ZBTB20: variants seen among roughly 807,000 people sequenced by gnomAD.
The protein encoded by ZBTB20 is zinc finger and BTB domain-containing protein 20.
A neutral mutation model predicts 56.9 loss-of-function variants in ZBTB20; 9 were observed. That is an observed-to-expected ratio of 0.16 (90% CI 0.10 to 0.28). ZBTB20 has a LOEUF of 0.28. ZBTB20 is among the 10% of genes least tolerant of loss of function. The probability of loss-of-function intolerance (pLI) is 1.00; values close to 1 mark genes in which losing one functional copy is unlikely to be tolerated. For missense variants in ZBTB20, 655 were observed against 1,003.0 expected (o/e 0.65, Z 4.69); for synonymous variants, 417 against 420.7 (o/e 0.99, Z 0.11).
rs752084623 is a variant in ZBTB20, at chr3:114,335,095, A to G, written c.*3910T>C. ...AGAAAATATTATTTTTTTATAAACCATATCTAAATATCTTGAGATAAAAAT... is the reference window on the plus strand; with the variant it reads ...AGAAAATATTATTTTTTTATAAACCGTATCTAAATATCTTGAGATAAAAAT... On this transcript the variant is annotated 3_prime_UTR_variant, in exon 12 of 12. Coordinates refer to ENST00000675478, the MANE Select transcript of ZBTB20 (RefSeq NM_001348800.3). 3.9e-5 allele frequency: 6 copies of G among 152,186 alleles called. No individual in the cohort carries two copies. Among genetic ancestry groups the G allele is most frequent in the African/African-American group, 9.7e-5 (4 of 41,446 alleles). The allele number at this position is 152,186 out of a possible 1,614,324, so 9.4% of individuals were successfully genotyped here.
Position 114,350,368 on chromosome 3 carries a change from A to G in ZBTB20, c.1710T>C (p.Ser570=). ...LASSAGHSTA[S]GQGEKKPYEC... ...CATAAGGCTTTTTTTCGCCTTGCCC[A>G]CTGGCTGTGCTGTGGCCTGCGGATG... is the stretch of plus-strand genomic sequence containing the variant. Residue 570 remains serine, a synonymous_variant, in exon 11 of 12, where the codon AGT becomes AGC. Coordinates refer to ENST00000675478, the MANE Select transcript of ZBTB20 (RefSeq NM_001348800.3). 6.2e-7 allele frequency: 1 copy of G among 1,614,094 alleles called. No homozygotes were observed. Among genetic ancestry groups the G allele is most frequent in the East Asian group, 2.2e-5 (1 of 44,876 alleles).
intron 5 of ZBTB20, among the ~76,000 whole-genome samples, chr3:114,759,995 A>G (rs954335278): frequency 6.6e-6 from 1 of 152,182 alleles, no homozygotes; most frequent in Non-Finnish European, 1.5e-5. Flanking sequence ...CTCGGGGTAA[A>G]AAAGAATATA....
chr3:114,712,855 TG>T (rs1489717497), intron 5 of ZBTB20, among the ~76,000 whole-genome samples: 3 of 152,148 alleles, frequency 2.0e-5, no homozygotes, highest in African/African-American at 7.2e-5. Flanking sequence ...CTAATTGCCT[TG>T]GTTTGTCCAA....
At chr3:115,116,424 T>C (rs1162436501) in intron 1 of ZBTB20, among the ~76,000 whole-genome samples, 2 of 152,084 alleles carry the variant, frequency 1.3e-5, no homozygotes, top group African/African-American at 4.8e-5. Context: ...TATTCTACAG[T>C]ATGGGCTTTG....
intron 2 of ZBTB20, among the ~76,000 whole-genome samples, chr3:114,988,092 T>C (rs1439873578): frequency 1.9e-5 from 2 of 107,938 alleles, no homozygotes; most frequent in Admixed American, 8.3e-5. Flanking sequence ...ATCCAGTTTC[T>C]TTTTTTTTTT....
chr3:114,932,396 C>T (rs1247546095), intron 3 of ZBTB20, among the ~76,000 whole-genome samples: 1 of 152,170 alleles, frequency 6.6e-6, no homozygotes, highest in African/African-American at 2.4e-5. Flanking sequence ...TACATTCTGC[C>T]ACTGCTGGAC....
chr3:114,768,103 C>G (rs1021534637), intron 5 of ZBTB20, among the ~76,000 whole-genome samples: 4 of 151,884 alleles, frequency 2.6e-5, no homozygotes, highest in Non-Finnish European at 5.9e-5. Flanking sequence ...CTGGACCAAG[C>G]CATAATAAAT....
At chr3:114,569,414 C>T (rs551756888) in intron 6 of ZBTB20, among the ~76,000 whole-genome samples, 1 of 152,284 alleles carries the variant, frequency 6.6e-6, no homozygotes, top group Admixed American at 6.5e-5. Context: ...AACTTTGCCA[C>T]GAAGTGTTTG....
rs1242610703 is a variant in ZBTB20, at chr3:114,314,866, C to T, written c.*24139G>A. On this transcript the variant is annotated 3_prime_UTR_variant, in exon 12 of 12. Coordinates refer to ENST00000675478, the MANE Select transcript of ZBTB20 (RefSeq NM_001348800.3). ...AATGTTTTTTTTCCTGTTTAAATAA[C>T]AAATACAAGTCACAGGTAAATATAC... The T allele has an allele frequency of 1.3e-5, 2 of 151,514 alleles. No individual in the cohort carries two copies. Among genetic ancestry groups the T allele is most frequent in the East Asian group, 3.9e-4 (2 of 5,192 alleles). 9.4% of individuals were successfully genotyped at this position (151,514 alleles called of 1,614,324 possible).
At chr3:114,394,011 C>T (rs2086119733) in intron 7 of ZBTB20, among the ~76,000 whole-genome samples, 1 of 152,126 alleles carries the variant, frequency 6.6e-6, no homozygotes, top group African/African-American at 2.4e-5. Flanking sequence ...TGGCCTGTCC[C>T]AGTCCTAGGA....
chr3:114,835,710 T>C (rs1255891010), intron 4 of ZBTB20, among the ~76,000 whole-genome samples: 2 of 152,210 alleles, frequency 1.3e-5, no homozygotes, highest in East Asian at 3.9e-4. Context: ...TAGAGAATCA[T>C]GCATATTTGG....
At chr3:114,615,059 G>A (rs1331319034) in intron 6 of ZBTB20, among the ~76,000 whole-genome samples, 4 of 152,070 alleles carry the variant, frequency 2.6e-5, no homozygotes, top group Non-Finnish European at 5.9e-5. Context: ...GAGCCACCGC[G>A]CCCAGCCTGT....
At chr3:114,634,876 T>C (rs1350767832) in intron 6 of ZBTB20, among the ~76,000 whole-genome samples, 1 of 152,198 alleles carries the variant, frequency 6.6e-6, no homozygotes, top group Non-Finnish European at 1.5e-5. Context: ...TGCCTCATAC[T>C]GTGTACTGAC....
intron 3 of ZBTB20, among the ~76,000 whole-genome samples, chr3:114,952,165 T>C (rs1041798355): frequency 4.0e-5 from 6 of 151,794 alleles, no homozygotes; most frequent in Non-Finnish European, 5.9e-5. Context: ...AAATCTCATG[T>C]GGAAATTTAA....
chr3:114,411,831 A>G (rs1017511613), intron 7 of ZBTB20, among the ~76,000 whole-genome samples: 1 of 152,184 alleles, frequency 6.6e-6, no homozygotes, highest in Non-Finnish European at 1.5e-5. Flanking sequence ...TTTAATATGG[A>G]AAGTTTACAA....
intron 6 of ZBTB20, among the ~76,000 whole-genome samples, chr3:114,561,517 TA>T (rs1448473203): frequency 2.0e-5 from 3 of 152,308 alleles, no homozygotes; most frequent in East Asian, 3.9e-4. Context: ...AGCCTCTTTG[TA>T]CATCTCCATC....
At chr3:114,954,211 A>C (rs2107930126) in intron 3 of ZBTB20, among the ~76,000 whole-genome samples, 1 of 152,266 alleles carries the variant, frequency 6.6e-6, no homozygotes, top group East Asian at 1.9e-4. Flanking sequence ...ATTTGTTTTT[A>C]AACCCCATTT....
At chr3:115,070,829 A>C (rs943289224) in intron 2 of ZBTB20, among the ~76,000 whole-genome samples, 1 of 152,002 alleles carries the variant, frequency 6.6e-6, no homozygotes, top group Non-Finnish European at 1.5e-5. Context: ...TTTTAAAATT[A>C]ATAAAGAAAT....
At chr3:114,855,043 A>G (rs1424148402) in intron 4 of ZBTB20, among the ~76,000 whole-genome samples, 2 of 152,318 alleles carry the variant, frequency 1.3e-5, no homozygotes, top group East Asian at 3.9e-4. Context: ...GACAGAGACC[A>G]TATCTTCTTT....
Sources: allele counts gnomAD v4.1 joint callset (sites outside exome capture counted in the v4.1 genomes callset), GRCh38; gene constraint gnomAD v4.1.1; transcripts MANE v1.5; gene names NCBI Gene and HGNC (gene_info 2026-07-23, HGNC 2026-07-21).